The following RBFOX1 variants were observed in gnomAD, a reference collection of about 807,000 sequenced individuals.
RBFOX1 encodes the protein RNA binding fox-1 homolog 1.
A neutral mutation model predicts 57.7 loss-of-function variants in RBFOX1; 8 were observed. The observed-to-expected ratio is 0.14, with a 90% CI of 0.08 to 0.25. RBFOX1 has a LOEUF of 0.25. Among genes scored for constraint, RBFOX1 ranks in the 10% least tolerant of loss-of-function variants. The pLI, the probability that RBFOX1 is intolerant of heterozygous loss-of-function variation, is 1.00. For missense variants in RBFOX1, 611 were observed against 548.5 expected (o/e 1.11, Z -1.14); for synonymous variants, 326 against 222.4 (o/e 1.47, Z -4.15).
chr16:6,758,972 G>T (rs115619336), intron 3 of RBFOX1, among the ~76,000 whole-genome samples: 2 of 151,986 alleles, frequency 1.3e-5, no homozygotes, highest in African/African-American at 4.8e-5. Context: ...CTAGAAAAAT[G>T]GATGTTGAAC....
intron 1 of RBFOX1, among the ~76,000 whole-genome samples, chr16:5,454,951 C>CT (rs1567535837): frequency 2.3e-3 from 121 of 51,610 alleles, no homozygotes; most frequent in African/African-American, 7.2e-3. Context: ...TCCTTCCTTC[C>CT]TTCCTTCCTT....
At chr16:7,456,285 A>G (rs1306889677) in intron 4 of RBFOX1, among the ~76,000 whole-genome samples, 3 of 152,124 alleles carry the variant, frequency 2.0e-5, no homozygotes, top group African/African-American at 7.2e-5. Context: ...TTATACAAAT[A>G]CAGAAGGTAC....
intron 1 of RBFOX1, among the ~76,000 whole-genome samples, chr16:5,378,051 C>G (rs1232026514): frequency 1.3e-5 from 2 of 151,528 alleles, no homozygotes; most frequent in Non-Finnish European, 2.9e-5. Flanking sequence ...ATGGAGAGAG[C>G]AAGACAACAG....
intron 3 of RBFOX1, among the ~76,000 whole-genome samples, chr16:5,693,144 A>G (rs995959039): frequency 2.0e-5 from 3 of 152,136 alleles, no homozygotes; most frequent in African/African-American, 7.2e-5. Flanking sequence ...TGAACTGTGA[A>G]GCACACAATC....
intron 2 of RBFOX1, among the ~76,000 whole-genome samples, chr16:5,561,535 A>C (rs2151107633): frequency 1.3e-5 from 2 of 152,332 alleles, no homozygotes; most frequent in East Asian, 3.9e-4. Context: ...AATGTACAAA[A>C]GAAAGCCATT....
chr16:5,564,408 C>T (rs1026643917), intron 2 of RBFOX1, among the ~76,000 whole-genome samples: 3 of 152,114 alleles, frequency 2.0e-5, no homozygotes, highest in Non-Finnish European at 4.4e-5. Context: ...TTGTCTCCTC[C>T]CACTGAATTT....
chr16:5,452,841 C>T (rs1042715376), intron 1 of RBFOX1, among the ~76,000 whole-genome samples: 4 of 152,018 alleles, frequency 2.6e-5, no homozygotes, highest in Non-Finnish European at 5.9e-5. Flanking sequence ...ACGGGGTTTG[C>T]TCAGGCTGGC....
intron 3 of RBFOX1, among the ~76,000 whole-genome samples, chr16:5,713,263 AT>A (rs1315235187): frequency 1.3e-5 from 2 of 152,184 alleles, no homozygotes; most frequent in African/African-American, 4.8e-5. Flanking sequence ...AGCCTTTTGG[AT>A]TCATCCTCGG....
intron 1 of RBFOX1, among the ~76,000 whole-genome samples, chr16:6,165,233 G>C (rs1231844574): frequency 2.0e-5 from 3 of 152,066 alleles, no homozygotes; most frequent in African/African-American, 7.2e-5. Flanking sequence ...TGAATGAAAG[G>C]CTTTACATAC....
chr16:5,563,098 C>T (rs1010691958), intron 2 of RBFOX1, among the ~76,000 whole-genome samples: 1 of 152,140 alleles, frequency 6.6e-6, no homozygotes, highest in African/African-American at 2.4e-5. Flanking sequence ...TACAGGCACC[C>T]GCCACCATGT....
At chr16:6,225,010 A>G (rs1055189786) in intron 1 of RBFOX1, among the ~76,000 whole-genome samples, 2 of 110,268 alleles carry the variant, frequency 1.8e-5, no homozygotes, top group African/African-American at 7.3e-5. Flanking sequence ...CAAGAGCAAA[A>G]CTCCATCTCA....
At chr16:6,172,424 C>T (rs367992905) in intron 1 of RBFOX1, among the ~76,000 whole-genome samples, 2 of 152,160 alleles carry the variant, frequency 1.3e-5, no homozygotes, top group African/African-American at 2.4e-5. Context: ...TGAGCAAACC[C>T]TTGGTGTCTG....
At chr16:5,746,396 G>A (rs2052982867) in intron 3 of RBFOX1, among the ~76,000 whole-genome samples, 1 of 152,106 alleles carries the variant, frequency 6.6e-6, no homozygotes, top group African/African-American at 2.4e-5. Flanking sequence ...TTGTTCTTTT[G>A]GTTTAGGATT....
intron 3 of RBFOX1, among the ~76,000 whole-genome samples, chr16:6,942,505 T>C (rs1340493327): frequency 6.6e-6 from 1 of 152,124 alleles, no homozygotes; most frequent in Non-Finnish European, 1.5e-5. Flanking sequence ...TCCTGGGAGA[T>C]GAAGCTTCCT....
intron 4 of RBFOX1, among the ~76,000 whole-genome samples, chr16:7,178,166 C>G (rs1490750576): frequency 6.6e-6 from 1 of 152,224 alleles, no homozygotes; most frequent in South Asian, 2.1e-4. Context: ...CATGTTTATT[C>G]CTTGCTCATG....
intron 10 of RBFOX1, among the ~76,000 whole-genome samples, chr16:7,616,960 G>A (rs1320546296): frequency 2.0e-5 from 3 of 151,396 alleles, no homozygotes; most frequent in East Asian, 2.0e-4. Context: ...GCCCAGGCCT[G>A]CTAGAATCCA....
intron 2 of RBFOX1, among the ~76,000 whole-genome samples, chr16:5,480,176 G>T (rs1034174070): frequency 3.3e-5 from 5 of 152,094 alleles, no homozygotes; most frequent in Admixed American, 2.0e-4. Context: ...TCTTTCATCC[G>T]GAGATGCATA....
chr16:5,983,788 G>A (rs1240774575), intron 4 of RBFOX1, among the ~76,000 whole-genome samples: 1 of 151,830 alleles, frequency 6.6e-6, no homozygotes, highest in Non-Finnish European at 1.5e-5. Flanking sequence ...TTTTAACAGG[G>A]CCAGGCTGTC....
chr16:5,747,387 C>T (rs574770412), intron 3 of RBFOX1, among the ~76,000 whole-genome samples: 17 of 152,238 alleles, frequency 1.1e-4, no homozygotes, highest in East Asian at 5.8e-4. Flanking sequence ...ATCAGGATGA[C>T]GCTGGCCTCA....
Sources: allele counts gnomAD v4.1 joint callset (sites outside exome capture counted in the v4.1 genomes callset), GRCh38; gene constraint gnomAD v4.1.1; transcripts MANE v1.5; gene names NCBI Gene and HGNC (gene_info 2026-07-23, HGNC 2026-07-21).